PCBP3: variants seen among roughly 807,000 people sequenced by gnomAD.
The protein encoded by PCBP3 is poly(rC)-binding protein 3.
Under a neutral mutation model 52.7 loss-of-function variants are expected in PCBP3, and 25 were observed. The ratio of observed to expected loss-of-function variants is 0.47; its 90% CI spans 0.35 to 0.66. The LOEUF (loss-of-function observed/expected upper bound fraction) is 0.66, where lower values mean the gene tolerates loss of function less well. Among genes scored for constraint, PCBP3 ranks in the 30% least tolerant of loss-of-function variants. The pLI is 0.01. For missense variants in PCBP3, 391 were observed against 490.3 expected, an observed-to-expected ratio of 0.80 and a Z score of 1.91; for synonymous variants, 162 against 183.0, an observed-to-expected ratio of 0.89 and a Z score of 0.93.
intron 5 of PCBP3, among the ~76,000 whole-genome samples, chr21:45,869,832 A>G (rs1167980251): frequency 6.6e-6 from 1 of 152,214 alleles, no homozygotes; most frequent in Non-Finnish European, 1.5e-5. Context: ...AGAGCTGCGT[A>G]TGCATTCCCT....
At chr21:45,644,539 A>C (rs953137897) in intron 1 of PCBP3, among the ~76,000 whole-genome samples, 2 of 151,916 alleles carry the variant, frequency 1.3e-5, no homozygotes, top group African/African-American at 2.4e-5. Flanking sequence ...GATGTTTTCC[A>C]ATTCCCTCCG....
At chr21:45,750,847 C>T (rs1387849503) in intron 3 of PCBP3, 3 of 152,118 alleles carry the variant, frequency 2.0e-5, no homozygotes, top group Admixed American at 6.5e-5. Flanking sequence ...TACACATACA[C>T]ACCTCTGTGT....
At position 45,880,804 on chromosome 21, in the gene PCBP3, G is replaced by A. The variant is rs989550730; in HGVS notation, c.11-15404G>A. On this transcript the variant is annotated intron_variant, in intron 5 of 17. Transcript: ENST00000681687. The surrounding 1 kb of genome is among the most constrained non-coding windows in gnomAD (Gnocchi z 5.4). The stretch of plus-strand genomic sequence containing the variant: ...GGAGAACTCACCCTGTCCCTGCCAC[G>A]GAAGCCAGGGAGCCAGCGGGAGGGC... 3.3e-5 allele frequency among the ~76,000 whole-genome samples: 5 copies of A among 152,168 alleles called. No individual in the cohort carries two copies. In the South Asian group the frequency reaches 6.2e-4, roughly 19 times the overall value.
intron 5 of PCBP3, among the ~76,000 whole-genome samples, chr21:45,894,958 C>T (rs548831319): frequency 2.7e-4 from 41 of 152,216 alleles, no homozygotes; most frequent in Non-Finnish European, 4.7e-4. Context: ...AATAAAATTA[C>T]AATAATTTTG....
intron 5 of PCBP3, among the ~76,000 whole-genome samples, chr21:45,862,214 A>G (rs1234307282): frequency 6.6e-6 from 1 of 152,026 alleles, no homozygotes; most frequent in Non-Finnish European, 1.5e-5. Context: ...CATTTAAATC[A>G]TAGCAACAAA....
chr21:45,894,068 C>A, intron 5 of PCBP3: 1 of 981,254 alleles, frequency 1.0e-6, no homozygotes, highest in African/African-American at 1.7e-5. Flanking sequence ...TCCACCCTGG[C>A]CTTCCGAGTG....
At chr21:45,843,097 G>A (rs1299943101) in intron 4 of PCBP3, among the ~76,000 whole-genome samples, 2 of 151,946 alleles carry the variant, frequency 1.3e-5, no homozygotes, top group East Asian at 1.9e-4. Flanking sequence ...ACTCACCGCT[G>A]TGTCATTCTC....
intron 16 of PCBP3, 133 bp from the exon 17 acceptor site, chr21:45,939,897 T>G (rs1603578032): frequency 2.7e-6 from 2 of 740,036 alleles, no homozygotes; most frequent in Admixed American, 2.4e-5. Flanking sequence ...CTCTCCGGGG[T>G]GTTGAGCTCA....
At chr21:45,650,467 T>C (rs2079605861) in intron 1 of PCBP3, among the ~76,000 whole-genome samples, 3 of 152,186 alleles carry the variant, frequency 2.0e-5, no homozygotes, top group African/African-American at 7.2e-5. Context: ...TTCTTTTTTT[T>C]AGAGACAGGG....
chr21:45,653,057 A>G (rs577317336), intron 1 of PCBP3, among the ~76,000 whole-genome samples: 1 of 152,286 alleles, frequency 6.6e-6, no homozygotes, highest in South Asian at 2.1e-4. Context: ...TTCTAAACAT[A>G]TGCATATTTT....
chr21:45,747,409 AGCACCAG>A (rs2086999500), intron 3 of PCBP3, among the ~76,000 whole-genome samples: 1 of 152,204 alleles, frequency 6.6e-6, no homozygotes, highest in South Asian at 2.1e-4. Flanking sequence ...TTCTGAGAGG[AGCACCAG>A]GCCGCGGGGT....
chr21:45,752,454 A>C (rs2087607698), intron 3 of PCBP3, among the ~76,000 whole-genome samples: 1 of 152,024 alleles, frequency 6.6e-6, no homozygotes, highest in Non-Finnish European at 1.5e-5. Flanking sequence ...ATTTCCCTCA[A>C]AGTACAGCTT....
intron 2 of PCBP3, among the ~76,000 whole-genome samples, chr21:45,709,942 T>C (rs983192860): frequency 6.6e-6 from 1 of 152,138 alleles, no homozygotes; most frequent in East Asian, 1.9e-4. Flanking sequence ...TGTGCCTCAT[T>C]TGGGATCTGC....
intron 4 of PCBP3, among the ~76,000 whole-genome samples, chr21:45,764,358 G>A (rs1229681346): frequency 6.6e-6 from 1 of 152,160 alleles, no homozygotes; most frequent in Non-Finnish European, 1.5e-5. Flanking sequence ...CCGACCTCAG[G>A]CAGTCTACCC....
In PCBP3 at chr21:45,645,194, A is replaced by G. The variant is rs535710850; in HGVS notation, c.-279+1326A>G. Among the ~76,000 whole-genome samples, 7 of 152,146 alleles carry G rather than the reference A, an allele frequency of 4.6e-5. No individual in the cohort carries two copies. In the South Asian group the frequency reaches 6.2e-4, roughly 14 times the overall value. ...CAGAAAACATGGGGCCTTAAAACTAACAAGTGCAGTGACCGACTAACTGAT... is the reference window on the plus strand; with the variant it reads ...CAGAAAACATGGGGCCTTAAAACTAGCAAGTGCAGTGACCGACTAACTGAT... On this transcript the variant is annotated intron_variant, in intron 1 of 17. Coordinates refer to ENST00000681687, the MANE Select transcript of PCBP3 (RefSeq NM_001384156.1).
In PCBP3 at chr21:45,803,633, G is replaced by A. The variant is rs552554475; in HGVS notation, c.-125-46328G>A. On this transcript the variant is annotated intron_variant, in intron 4 of 17. Coordinates refer to ENST00000681687, the MANE Select transcript of PCBP3 (RefSeq NM_001384156.1). ...CACTGAGGGCAGGAAGGTGTGCTGA[G>A]CTGCCCTGCACAGTGCTTGGCTCTG... Among the ~76,000 whole-genome samples the A allele has an allele frequency of 2.6e-5, 4 of 152,328 alleles. No individual in the cohort carries two copies. In the South Asian group the frequency reaches 8.3e-4, roughly 32 times the overall value.
intron 4 of PCBP3, chr21:45,760,402 C>T (rs1458230560): frequency 6.6e-6 from 1 of 152,174 alleles, no homozygotes; most frequent in Non-Finnish European, 1.5e-5. Context: ...TATGGAAAGT[C>T]CGAGCTCTAA....
intron 2 of PCBP3, among the ~76,000 whole-genome samples, chr21:45,715,113 G>A (rs2084121877): frequency 1.3e-5 from 2 of 152,184 alleles, no homozygotes; most frequent in Non-Finnish European, 2.9e-5. Flanking sequence ...AAAAGGATAA[G>A]TGCAGTTTGG....
intron 2 of PCBP3, among the ~76,000 whole-genome samples, chr21:45,677,870 C>T (rs2081566328): frequency 6.6e-6 from 1 of 152,108 alleles, no homozygotes; most frequent in South Asian, 2.1e-4. Context: ...GACCTGCTGC[C>T]CAGAAAAAGG....
Sources: gnomAD v4.1 joint callset for allele counts (sites outside exome capture counted in the v4.1 genomes callset) on GRCh38, gnomAD v4.1.1 for gene constraint, Gnocchi (gnomAD v3.1) non-coding constraint, MANE v1.5 for transcripts, NCBI Gene and HGNC (gene_info 2026-07-23, HGNC 2026-07-21) for gene names.